Variants in PLXNA4 observed in about 807,000 individuals in gnomAD.
PLXNA4 encodes the protein plexin-A4.
In PLXNA4, 44 loss-of-function variants were observed where a neutral mutation model predicts 191.8. The ratio of observed to expected loss-of-function variants is 0.23; its 90% CI spans 0.18 to 0.29. The LOEUF is 0.29. PLXNA4 is among the 10% of genes least tolerant of loss of function. PLXNA4 has a pLI of 1.00. For synonymous variants in PLXNA4, 1,082 were observed against 1,009.5 expected, an observed-to-expected ratio of 1.07 and a Z score of -1.36; for missense variants, 1,800 against 2,488.8, an observed-to-expected ratio of 0.72 and a Z score of 5.89.
At position 132,508,825 on chromosome 7, in the gene PLXNA4, TC is replaced by T. The variant is rs1446450406; in HGVS notation, c.-86-47del. ...GAGCTGGATAACAATGCCAGTGGCT[TC>T]ATTTCACCCCACAGCTTGTCTGCCT... is the stretch of plus-strand genomic sequence containing the variant. On this transcript the variant is annotated intron_variant, in intron 1 of 31. Coordinates refer to ENST00000321063, the MANE Select transcript of PLXNA4 (RefSeq NM_020911.2). This position sits in a 1 kb window ranked among gnomAD's most constrained non-coding sequence, Gnocchi z 4.4. 2.1e-6 allele frequency: 3 copies of T among 1,410,908 alleles called. No homozygotes were observed. The African/African-American group carries it at 4.3e-5, about 20-fold the overall frequency. The allele number at this position is 1,410,908 out of a possible 1,614,324, so 87.4% of individuals were successfully genotyped here.
chr7:132,227,609 GA>G lies in PLXNA4; in HGVS notation c.1729-6del. On this transcript the variant is annotated splice_polypyrimidine_tract_variant and splice_region_variant and intron_variant, in intron 6 of 31. Coordinates refer to ENST00000321063, the MANE Select transcript of PLXNA4 (RefSeq NM_020911.2). ...ATTGTACGTCTCCAGGACCAGCTGTGAACAGCCAGGCGGGGGGAGAGAAGGA... is the reference window on the plus strand; with the variant it reads ...ATTGTACGTCTCCAGGACCAGCTGTGACAGCCAGGCGGGGGGAGAGAAGGA... The G allele has an allele frequency of 1.2e-6, 2 of 1,614,182 alleles. No homozygotes were observed. Among genetic ancestry groups the G allele is most frequent in the Non-Finnish European group, 1.7e-6 (2 of 1,180,026 alleles).
At position 132,269,545 on chromosome 7, in the gene PLXNA4, A is replaced by G. The variant is rs943772513; in HGVS notation, c.1504-28379T>C. 2.6e-5 allele frequency among the ~76,000 whole-genome samples: 4 copies of G among 152,312 alleles called. No homozygotes were observed. In the East Asian group the frequency reaches 7.7e-4, roughly 29 times the overall value. On this transcript the variant is annotated intron_variant, in intron 4 of 31. Transcript: ENST00000321063. The stretch of plus-strand genomic sequence containing the variant: ...GTAGTGTTTTGATGACAGGTTAGGC[A>G]TGTCTGAAAGAGCCAGCAGGATCTG...
At chr7:132,285,236 A>T (rs1036217236) in intron 4 of PLXNA4, among the ~76,000 whole-genome samples, 1 of 152,210 alleles carries the variant, frequency 6.6e-6, no homozygotes, top group Non-Finnish European at 1.5e-5. Context: ...ATACGCAGAG[A>T]TTAAATAACT....
chr7:132,519,682 G>A (rs1799095902), intron 1 of PLXNA4, among the ~76,000 whole-genome samples: 1 of 152,202 alleles, frequency 6.6e-6, no homozygotes, highest in Admixed American at 6.5e-5. Flanking sequence ...TCACCCAAAT[G>A]AGCTCCTTGC....
chr7:132,164,992 A>G, intron 23 of PLXNA4, 142 bp downstream of exon 23: 3 of 1,286,646 alleles, frequency 2.3e-6, no homozygotes, highest in Non-Finnish European at 2.1e-6. Context: ...TAGACAGTCC[A>G]TGATAAGGAT....
Position 132,416,154 on chromosome 7 carries a change from T to C in PLXNA4, c.1371+73138A>G, listed in dbSNP as rs530427071. Among the ~76,000 whole-genome samples, 37 of 152,276 alleles carry C rather than the reference T, an allele frequency of 2.4e-4. No individual in the cohort carries two copies. The South Asian group carries it at 7.2e-3, about 30-fold the overall frequency. ...TTACTGAAAATTCACTAGGTAACAC[T>C]GGTTAGAGGATAAGGCTAGATGATG... On this transcript the variant is annotated intron_variant, in intron 3 of 31. Transcript: ENST00000321063.
At chr7:132,527,539 C>CAAAAAA (rs34598256) in intron 1 of PLXNA4, among the ~76,000 whole-genome samples, 12 of 59,696 alleles carry the variant, frequency 2.0e-4, no homozygotes, top group African/African-American at 4.4e-4. Flanking sequence ...GAAACAGACT[C>CAAAAAA]AAAAAAAAAA....
In PLXNA4 at chr7:132,130,475, G is replaced by T; in HGVS notation, c.*4C>A. 1 of 1,614,214 alleles carries T rather than the reference G, an allele frequency of 6.2e-7. No individual in the cohort carries two copies. The highest frequency in any genetic ancestry group is 8.5e-7 in the Non-Finnish European group (1 of 1,180,030). Reference sequence around the variant, plus strand: ...CCTCCAGGGCGGCCCTGGAAGGACGGTTCTCAGCTGTCTAAGCTCATGAGG... The same window carrying T: ...CCTCCAGGGCGGCCCTGGAAGGACGTTTCTCAGCTGTCTAAGCTCATGAGG... On this transcript the variant is annotated 3_prime_UTR_variant, in exon 32 of 32. Coordinates refer to ENST00000321063, the MANE Select transcript of PLXNA4 (RefSeq NM_020911.2).
At chr7:132,603,257 A>AAT (rs1554476538) in intron 2 of PLXNA4, among the ~76,000 whole-genome samples, 12 of 149,178 alleles carry the variant, frequency 8.0e-5, no homozygotes, top group African/African-American at 3.0e-4. Context: ...TTGAAAAAAA[A>AAT]ATATCAAATG....
chr7:132,474,425 A>G (rs1797048386), intron 3 of PLXNA4, among the ~76,000 whole-genome samples: 1 of 152,178 alleles, frequency 6.6e-6, no homozygotes, highest in Non-Finnish European at 1.5e-5. Flanking sequence ...AGGAGGTAGT[A>G]GGAGTGAACC....
chr7:132,469,712 C>T (rs550367295), intron 3 of PLXNA4, among the ~76,000 whole-genome samples: 156 of 152,342 alleles, frequency 1.0e-3, no homozygotes, highest in Non-Finnish European at 1.8e-3. Flanking sequence ...ATTTTTCTGT[C>T]TACCTAAAAT....
chr7:132,569,130 G>A lies in PLXNA4; in HGVS notation c.-87+7292C>T, dbSNP rs145493161. ...GAGCTACAGCAGACCAGAAGGACCT[G>A]TGGATTAACTGCTGGCTGTGCCTCA... On this transcript the variant is annotated intron_variant, in intron 1 of 31. Transcript: ENST00000321063. Among the ~76,000 whole-genome samples, 449 of 152,288 alleles carry A rather than the reference G, an allele frequency of 2.9e-3. 6 individuals are homozygous for A. In the South Asian group the frequency reaches 0.034, roughly 12 times the overall value.
At chr7:132,457,600 C>T (rs1158343788) in intron 3 of PLXNA4, among the ~76,000 whole-genome samples, 1 of 152,198 alleles carries the variant, frequency 6.6e-6, no homozygotes, top group Non-Finnish European at 1.5e-5. Context: ...GTCCTAATCC[C>T]TTATACATTA....
At chr7:132,412,520 C>G (rs1374560024) in intron 3 of PLXNA4, among the ~76,000 whole-genome samples, 1 of 152,156 alleles carries the variant, frequency 6.6e-6, no homozygotes, top group Admixed American at 6.5e-5. Flanking sequence ...ACAACGAAAT[C>G]CTGTATAAAT....
intron 1 of PLXNA4, among the ~76,000 whole-genome samples, chr7:132,562,270 GCCTCCTTCTCCTCCT>G (rs1312975144): frequency 2.0e-5 from 1 of 49,674 alleles, no homozygotes; most frequent in South Asian, 8.0e-4. Context: ...TTCTTTCTCT[GCCTCCTTCTCCTCCT>G]CCTCCTTCTC....
chr7:132,138,404 C>G (rs1008160614), intron 30 of PLXNA4, among the ~76,000 whole-genome samples: 2 of 152,132 alleles, frequency 1.3e-5, no homozygotes, highest in Non-Finnish European at 2.9e-5. Flanking sequence ...GTGCTGTGGT[C>G]CCAGGTGAGG....
rs372984088 is a variant in PLXNA4, at chr7:132,597,857, C to CTA, written c.-87+48070_-87+48071insTA. Among the ~76,000 whole-genome samples the CTA allele has an allele frequency of 4.7e-3, 276 of 58,164 alleles. 2 individuals carry two copies. The South Asian group carries it at 0.073, about 15-fold the overall frequency. The allele number at this position is 58,164 out of a possible 152,430, so 38.2% of individuals were successfully genotyped here. ...CATGTTGCGCTCTCTCTCTCTCTCT[C>CTA]TCTATATATATATATACATCCAATC... On this transcript the variant is annotated intron_variant, in intron 2 of 4. Transcript: ENST00000378539.
chr7:132,506,377 G>A (rs1487745920), intron 2 of PLXNA4, among the ~76,000 whole-genome samples: 1 of 152,216 alleles, frequency 6.6e-6, no homozygotes, highest in Non-Finnish European at 1.5e-5. Flanking sequence ...AGTTTAAGGA[G>A]TCAAGAATCA....
chr7:132,295,479 G>A (rs569463707), intron 4 of PLXNA4, among the ~76,000 whole-genome samples: 19 of 152,182 alleles, frequency 1.2e-4, no homozygotes, highest in Non-Finnish European at 2.2e-4. Flanking sequence ...AGTGTGCAAC[G>A]TGTTCTGACC....
Sources: gnomAD v4.1 joint callset for allele counts (sites outside exome capture counted in the v4.1 genomes callset) on GRCh38, gnomAD v4.1.1 for gene constraint, Gnocchi (gnomAD v3.1) non-coding constraint, MANE v1.5 for transcripts, NCBI Gene and HGNC (gene_info 2026-07-23, HGNC 2026-07-21) for gene names.